Variants in TDRD3 observed in about 807,000 individuals in gnomAD.
TDRD3 encodes tudor domain-containing protein 3.
Under a neutral mutation model 86.7 loss-of-function variants are expected in TDRD3, and 45 were observed. That is an observed-to-expected ratio of 0.52 (90% CI 0.41 to 0.67). The LOEUF is 0.67. TDRD3 is among the 30% of genes least tolerant of loss of function. The pLI is 0.00. For missense variants in TDRD3, 814 were observed against 889.0 expected, an observed-to-expected ratio of 0.92 and a Z score of 1.07; for synonymous variants, 298 against 301.7, an observed-to-expected ratio of 0.99 and a Z score of 0.13.
intron 11 of TDRD3, among the ~76,000 whole-genome samples, 168 bp from the exon 12 acceptor site, chr13:60,534,927 CAAAAAAAAAAAAA>C (rs75394722): frequency 4.2e-4 from 23 of 54,732 alleles, no homozygotes; most frequent in Non-Finnish European, 7.8e-4. Flanking sequence ...GACCCTGTCT[CAAAAAAAAAAAAA>C]AAAAAAAAGA....
Position 60,485,941 on chromosome 13 carries a change from G to A in TDRD3, c.710G>A (p.Ser237Asn). 1 of 1,603,822 alleles carries A rather than the reference G, an allele frequency of 6.2e-7. No individual in the cohort carries two copies. The highest frequency in any genetic ancestry group is 1.1e-5 in the South Asian group (1 of 88,846). The change falls in exon 7 of 14, where the codon AGC (serine) becomes AAC (asparagine). Residue 237 changes from serine to asparagine, a missense_variant. Ser to Asn is a conservative substitution (Grantham distance 46, BLOSUM62 1). Transcript: ENST00000377881. ...RTAAIAEVAK[S>N]KETKTFGGGG... is the part of the protein sequence containing the mutation. ...GCTGCTATTGCTGAAGTTGCAAAGA[G>A]CAAGGAAGTAAGAAATCAAATCATT...
intron 3 of TDRD3, 45 bp from the exon 4 acceptor site, chr13:60,460,335 G>A (rs1955776673): frequency 1.3e-6 from 2 of 1,514,710 alleles, no homozygotes; most frequent in Non-Finnish European, 1.8e-6. Flanking sequence ...CCTGAATAGA[G>A]TTTCATGACT....
At chr13:60,471,217 A>G (rs1188128020) in intron 5 of TDRD3, among the ~76,000 whole-genome samples, 1 of 152,076 alleles carries the variant, frequency 6.6e-6, no homozygotes, top group African/African-American at 2.4e-5. Context: ...TTTTGAGTTA[A>G]TTTTTGTATT....
chr13:60,413,776 A>G (rs1387038167), intron 1 of TDRD3, among the ~76,000 whole-genome samples: 1 of 152,158 alleles, frequency 6.6e-6, no homozygotes, highest in Non-Finnish European at 1.5e-5. Context: ...TTCAATAAAG[A>G]TAAAATCTTT....
chr13:60,556,661 G>A (rs1428884708), intron 12 of TDRD3, among the ~76,000 whole-genome samples: 1 of 152,064 alleles, frequency 6.6e-6, no homozygotes, highest in African/African-American at 2.4e-5. Flanking sequence ...GCCTAATAGA[G>A]TACCTTCATG....
intron 10 of TDRD3, among the ~76,000 whole-genome samples, chr13:60,514,682 G>A (rs893773020): frequency 6.6e-6 from 1 of 152,188 alleles, no homozygotes; most frequent in Admixed American, 6.5e-5. Context: ...GTATGGTAGA[G>A]GTAGTGCTGT....
intron 1 of TDRD3, among the ~76,000 whole-genome samples, chr13:60,421,354 G>T (rs1007920757): frequency 2.1e-4 from 32 of 152,076 alleles, no homozygotes; most frequent in Admixed American, 1.6e-3. Flanking sequence ...GATCTCATGA[G>T]GCTTACTTAC....
chr13:60,440,747 ATG>A (rs1955244250), intron 2 of TDRD3, among the ~76,000 whole-genome samples: 2 of 152,266 alleles, frequency 1.3e-5, no homozygotes, highest in South Asian at 4.2e-4. Flanking sequence ...TTGTTTTTCT[ATG>A]TAGCTTTATA....
intron 8 of TDRD3, among the ~76,000 whole-genome samples, chr13:60,497,864 A>T (rs2137582231): frequency 6.6e-6 from 1 of 152,246 alleles, no homozygotes; most frequent in African/African-American, 2.4e-5. Flanking sequence ...AAGAGCAGAC[A>T]TGGGAATGTA....
chr13:60,492,923 T>C (rs1397905384), intron 7 of TDRD3, among the ~76,000 whole-genome samples: 3 of 145,220 alleles, frequency 2.1e-5, no homozygotes, highest in African/African-American at 7.5e-5. Context: ...TTTTCTTTTT[T>C]TTTTTTTTTT....
intron 7 of TDRD3, among the ~76,000 whole-genome samples, chr13:60,488,089 G>T (rs1956488341): frequency 6.6e-6 from 1 of 152,176 alleles, no homozygotes; most frequent in South Asian, 2.1e-4. Flanking sequence ...CTGAGACAAT[G>T]AGTGTTGCCA....
At chr13:60,430,489 A>G (rs17791760) in intron 1 of TDRD3, among the ~76,000 whole-genome samples, 29,658 of 152,100 alleles carry the variant, frequency 0.19, 3,592 homozygotes, top group South Asian at 0.29. Flanking sequence ...ATTAAAAAGT[A>G]ACCCCAGTTC....
chr13:60,491,031 C>T (rs569318528), intron 7 of TDRD3, among the ~76,000 whole-genome samples: 12 of 150,992 alleles, frequency 7.9e-5, no homozygotes, highest in South Asian at 4.2e-4. Flanking sequence ...GCAGGAGAAT[C>T]GCTTGAACCC....
intron 1 of TDRD3, among the ~76,000 whole-genome samples, chr13:60,401,233 T>G (rs373891926): frequency 4.6e-4 from 70 of 151,308 alleles, no homozygotes; most frequent in African/African-American, 1.6e-3. Context: ...TCTAAAATAT[T>G]TGGAAAAATA....
chr13:60,549,079 T>C (rs868229547), intron 12 of TDRD3, among the ~76,000 whole-genome samples: 1 of 152,098 alleles, frequency 6.6e-6, no homozygotes, highest in East Asian at 1.9e-4. Context: ...GTATGAGGAA[T>C]GTATATAAGT....
At chr13:60,512,658 G>T (rs113770740) in intron 10 of TDRD3, among the ~76,000 whole-genome samples, 23,029 of 152,142 alleles carry the variant, frequency 0.15, 1,973 homozygotes, top group African/African-American at 0.22. Context: ...ATGCAAGTCC[G>T]AAATCCAGCA....
At chr13:60,547,375 C>T in intron 12 of TDRD3, 1 of 985,386 alleles carries the variant, frequency 1.0e-6, no homozygotes, top group South Asian at 4.7e-5. Context: ...GGGCAAATTA[C>T]TTCCACCTCC....
At chr13:60,510,144 A>G (rs756867709) in intron 9 of TDRD3, among the ~76,000 whole-genome samples, 1 of 152,204 alleles carries the variant, frequency 6.6e-6, no homozygotes, top group Non-Finnish European at 1.5e-5. Flanking sequence ...CAAAAACAAA[A>G]TGGGTCTAAC....
At chr13:60,542,406 A>T (rs1004069094) in intron 12 of TDRD3, among the ~76,000 whole-genome samples, 5 of 152,222 alleles carry the variant, frequency 3.3e-5, no homozygotes, top group South Asian at 2.1e-4. Flanking sequence ...AATATATTTT[A>T]AAAATTTTGT....
Sources: gnomAD v4.1 joint callset for allele counts (sites outside exome capture counted in the v4.1 genomes callset) on GRCh38, gnomAD v4.1.1 for gene constraint, MANE v1.5 for transcripts, NCBI Gene and HGNC (gene_info 2026-07-23, HGNC 2026-07-21) for gene names.